JPH1: variants seen among roughly 807,000 people sequenced by gnomAD.
JPH1 encodes junctophilin 1, also known as junctophilin-1.
A neutral mutation model predicts 53.6 loss-of-function variants in JPH1; 12 were observed. The ratio of observed to expected loss-of-function variants is 0.22; its 90% CI spans 0.14 to 0.36. The LOEUF (loss-of-function observed/expected upper bound fraction) is 0.36. Among genes scored for constraint, JPH1 ranks in the 10% least tolerant of loss-of-function variants. The pLI is 1.00. For missense variants in JPH1, 808 were observed against 905.5 expected (o/e 0.89, Z 1.38); for synonymous variants, 375 against 363.8 (o/e 1.03, Z -0.35).
At chr8:74,313,776 C>T (rs1808061804) in intron 2 of JPH1, among the ~76,000 whole-genome samples, 1 of 152,104 alleles carries the variant, frequency 6.6e-6, no homozygotes, top group Admixed American at 6.5e-5. Flanking sequence ...GAAGCAGAAA[C>T]AGGATTTTTA....
At chr8:74,253,964 A>T (rs961381650) in intron 3 of JPH1, among the ~76,000 whole-genome samples, 4 of 152,164 alleles carry the variant, frequency 2.6e-5, no homozygotes, top group Admixed American at 2.6e-4. Context: ...TACCAGAGGT[A>T]CAAGGAGGAG....
chr8:74,266,865 G>A (rs969850166), intron 2 of JPH1, among the ~76,000 whole-genome samples: 30 of 152,274 alleles, frequency 2.0e-4, no homozygotes, highest in African/African-American at 7.2e-4. Flanking sequence ...GGAAACAGCT[G>A]TAATGTATAG....
intron 2 of JPH1, among the ~76,000 whole-genome samples, chr8:74,313,173 A>G (rs1407281183): frequency 6.6e-6 from 1 of 152,244 alleles, no homozygotes; most frequent in East Asian, 1.9e-4. Context: ...ACTAAGTTGT[A>G]ACAAGAAAAC....
At chr8:74,301,057 T>TA (rs1807667796) in intron 2 of JPH1, among the ~76,000 whole-genome samples, 1 of 152,194 alleles carries the variant, frequency 6.6e-6, no homozygotes, top group African/African-American at 2.4e-5. Flanking sequence ...ATAGGGGTAT[T>TA]AGAGTATCAT....
rs1156500320 is a variant in JPH1 at position 74,315,486 on chromosome 8, T to G, written c.514A>C (p.Asn172His). ...GCGGCGTCGTGGAGCACGCTGCCAT[T>G]GCTCTGCTCGCTGCGCAGCGAGGCC... ...SLASLRSEQS[N>H]GSVLHDAAAA... is the part of the protein sequence containing the mutation. Residue 172 changes from asparagine to histidine, a missense_variant, in exon 2 of 6, where the codon AAT becomes CAT. Asn to His is a moderately conservative substitution (Grantham distance 68). Transcript: ENST00000342232. This position sits in a 1 kb window ranked among gnomAD's most constrained non-coding sequence, Gnocchi z 6.3. 4 of 1,606,600 alleles carry G rather than the reference T, an allele frequency of 2.5e-6. No individual in the cohort carries two copies. The highest frequency in any genetic ancestry group is 1.1e-5 in the South Asian group (1 of 90,622).
chr8:74,275,258 A>C (rs1440103384), intron 2 of JPH1, among the ~76,000 whole-genome samples: 1 of 152,190 alleles, frequency 6.6e-6, no homozygotes, highest in Non-Finnish European at 1.5e-5. Context: ...AGGGATACAG[A>C]CTTTCAAACT....
intron 1 of JPH1, among the ~76,000 whole-genome samples, chr8:74,316,268 ATATT>A (rs1247048676): frequency 6.6e-6 from 1 of 152,212 alleles, no homozygotes; most frequent in Non-Finnish European, 1.5e-5. Flanking sequence ...ACCACAATAT[ATATT>A]ATGAATACAG....
In JPH1 at chr8:74,315,586, C is replaced by G. The variant is rs774015868; in HGVS notation, c.414G>C (p.Arg138=). Reference sequence around the variant, plus strand: ...CGCTCTGGCGCACGCCGTAGCCATGCCGCATGCCTCCGGCCCACTGGCCCT... The same window carrying G: ...CGCTCTGGCGCACGCCGTAGCCATGGCGCATGCCTCCGGCCCACTGGCCCT... The part of the protein sequence containing the change: ...TYQGQWAGGM[R]HGYGVRQSVP... Residue 138 remains arginine (R), a synonymous_variant, in exon 2 of 6, where the codon CGG becomes CGC. Coordinates refer to ENST00000342232, the MANE Select transcript of JPH1 (RefSeq NM_020647.4). This position sits in a 1 kb window ranked among gnomAD's most constrained non-coding sequence, Gnocchi z 6.3. 1.8e-5 allele frequency: 29 copies of G among 1,603,734 alleles called. No individual in the cohort carries two copies. Among genetic ancestry groups the G allele is most frequent in the East Asian group, 1.3e-4 (6 of 44,770 alleles).
At chr8:74,262,195 A>G (rs145005948) in intron 2 of JPH1, among the ~76,000 whole-genome samples, 120 of 152,268 alleles carry the variant, frequency 7.9e-4, no homozygotes, top group African/African-American at 2.7e-3. Flanking sequence ...AACCGATGAC[A>G]AGAAGGAAGA....
chr8:74,320,525 G>A lies in JPH1; in HGVS notation c.379+384C>T, dbSNP rs1254144673. 6.6e-6 allele frequency among the ~76,000 whole-genome samples: 1 copy of A among 152,134 alleles called. No individual in the cohort carries two copies. Among genetic ancestry groups the A allele is most frequent in the African/African-American group, 2.4e-5 (1 of 41,430 alleles). On this transcript the variant is annotated intron_variant, in intron 1 of 5. Coordinates refer to ENST00000342232, the MANE Select transcript of JPH1 (RefSeq NM_020647.4). This position sits in a 1 kb window ranked among gnomAD's most constrained non-coding sequence, Gnocchi z 4.4. Reference sequence around the variant, plus strand: ...CCACGGGAGTGGCGATTTCAAACCCGGCCGGGAGAGGGAGGGATCAGGAAC... The same window carrying A: ...CCACGGGAGTGGCGATTTCAAACCCAGCCGGGAGAGGGAGGGATCAGGAAC...
At chr8:74,309,112 G>A (rs1007182105) in intron 2 of JPH1, among the ~76,000 whole-genome samples, 9 of 152,156 alleles carry the variant, frequency 5.9e-5, no homozygotes, top group African/African-American at 2.2e-4. Context: ...ATCACCTGAA[G>A]TGCCAGTAAT....
At chr8:74,256,532 T>TAA (rs56307957) in intron 3 of JPH1, among the ~76,000 whole-genome samples, 2 of 135,896 alleles carry the variant, frequency 1.5e-5, no homozygotes, top group African/African-American at 5.5e-5. Flanking sequence ...CCCTAAAACT[T>TAA]AAAAAAAAAA....
rs948242938 is a variant in JPH1, at chr8:74,272,643, G to T, written c.1140-13140C>A. Among the ~76,000 whole-genome samples, 3 of 134,778 alleles carry T rather than the reference G, an allele frequency of 2.2e-5. No individual in the cohort carries two copies. The South Asian group carries it at 6.9e-4, about 31-fold the overall frequency. The allele number at this position is 134,778 out of a possible 152,430, so 88.4% of individuals were successfully genotyped here. ...TTTTGAGACGGAGTTTCGCTCTGTCGCCCAGGCTGGAGTGCAGTGGCGCGA... is the reference window on the plus strand; with the variant it reads ...TTTTGAGACGGAGTTTCGCTCTGTCTCCCAGGCTGGAGTGCAGTGGCGCGA... On this transcript the variant is annotated intron_variant, in intron 2 of 5. Coordinates refer to ENST00000342232, the MANE Select transcript of JPH1 (RefSeq NM_020647.4).
intron 1 of JPH1, among the ~76,000 whole-genome samples, chr8:74,316,039 T>C (rs1808148053): frequency 6.6e-6 from 1 of 152,202 alleles, no homozygotes; most frequent in Admixed American, 6.5e-5. Context: ...CTAATTTAGC[T>C]GGAAAACTGT....
chr8:74,289,077 A>G (rs1005185359), intron 2 of JPH1, among the ~76,000 whole-genome samples: 1 of 152,200 alleles, frequency 6.6e-6, no homozygotes, highest in African/African-American at 2.4e-5. Context: ...TGAAAGATAC[A>G]AGCAAACTAG....
Position 74,321,119 on chromosome 8 carries a change from C to T in JPH1, c.169G>A (p.Gly57Ser), listed in dbSNP as rs1808311116. 1 of 1,613,600 alleles carries T rather than the reference C, an allele frequency of 6.2e-7. No individual in the cohort carries two copies. Among genetic ancestry groups the T allele is most frequent in the Non-Finnish European group, 8.5e-7 (1 of 1,179,822 alleles). ...GCCCAGTAGCCCTGGTAGGTGTTGC[C>T]GCTGGGCCAGGTGTAGCCTCCGACC... ...EVVGGYTWPS[G>S]NTYQGYWAQG... Residue 57 changes from glycine (G) to serine (S), a missense_variant, in exon 1 of 6, where the codon GGC (glycine) becomes AGC (serine). This residue lies in a region of JPH1 where 52 missense variants were observed against 93.6 expected (regional missense o/e 0.56). Transcript: ENST00000342232. This position sits in a 1 kb window ranked among gnomAD's most constrained non-coding sequence, Gnocchi z 4.3.
chr8:74,302,281 T>C, intron 2 of JPH1, among the ~76,000 whole-genome samples: 1 of 152,248 alleles, frequency 6.6e-6, no homozygotes, highest in Non-Finnish European at 1.5e-5. Context: ...CATTGTTTCC[T>C]TATCTGGAAA....
intron 2 of JPH1, among the ~76,000 whole-genome samples, chr8:74,290,954 T>C (rs1807307626): frequency 6.6e-6 from 1 of 152,176 alleles, no homozygotes; most frequent in Admixed American, 6.5e-5. Context: ...CTGGATCCCG[T>C]CCTTACACCT....
intron 2 of JPH1, among the ~76,000 whole-genome samples, chr8:74,296,415 A>G (rs930296839): frequency 1.3e-5 from 2 of 152,210 alleles, no homozygotes; most frequent in African/African-American, 4.8e-5. Flanking sequence ...ATGCTTAACT[A>G]TTGGGAAAAA....
Sources: allele counts gnomAD v4.1 joint callset (sites outside exome capture counted in the v4.1 genomes callset), GRCh38; gene constraint gnomAD v4.1.1; regional missense constraint gnomAD v4.1.1; non-coding constraint Gnocchi (gnomAD v3.1); transcripts MANE v1.5; gene names NCBI Gene and HGNC (gene_info 2026-07-23, HGNC 2026-07-21).